Variants in NLRP9 observed in about 807,000 individuals in gnomAD.
The protein encoded by NLRP9 is NACHT, LRR and PYD domains-containing protein 9.
In NLRP9, 88 loss-of-function variants were observed where a neutral mutation model predicts 83.1. That is an observed-to-expected ratio of 1.06 (90% CI 0.89 to 1.26). The LOEUF (loss-of-function observed/expected upper bound fraction) is 1.26. Ranked by LOEUF, NLRP9 falls within the 50% of genes most tolerant of loss-of-function variation. The probability of loss-of-function intolerance (pLI) is 0.00; values close to 1 mark genes in which losing one functional copy is unlikely to be tolerated. For synonymous variants in NLRP9, 521 were observed against 447.6 expected (o/e 1.16, Z -2.07); for missense variants, 1,308 against 1,179.3 (o/e 1.11, Z -1.60).
rs1365547731 is a variant in NLRP9, at chr19:55,733,940, TGA to T, written c.281-392_281-391del. Among the ~76,000 whole-genome samples, 102 of 145,418 alleles carry T rather than the reference TGA, an allele frequency of 7.0e-4. 1 individual carries two copies. The highest frequency in any genetic ancestry group is 3.4e-3 in the Middle Eastern group (1 of 292). ...CCAAATTTTTTTTTTTTTTTTTTTT[TGA>T]GACGGAGTCTCGCTCTGTCGCCCAG... On this transcript the variant is annotated intron_variant, in intron 1 of 8. Transcript: ENST00000332836.
At position 55,712,480 on chromosome 19, in the gene NLRP9, G is replaced by A; in HGVS notation, c.2612C>T (p.Thr871Ile). 6.2e-7 allele frequency: 1 copy of A among 1,612,772 alleles called. No individual in the cohort carries two copies. The highest frequency in any genetic ancestry group is 8.5e-7 in the Non-Finnish European group (1 of 1,179,790). Reference protein sequence around the residue: ...LKLGHNEIGDTGVRQLCAALQ... With the variant: ...LKLGHNEIGDIGVRQLCAALQ... ...AGCTGCACATAACTGTCTGACACCA[G>A]TGTCTCCTATTTCATTATGCCCAAG... is the stretch of plus-strand genomic sequence containing the variant. The change falls in exon 7 of 9, where the codon ACT (threonine) becomes ATT (isoleucine). Residue 871 changes from threonine (T) to isoleucine (I), a missense_variant. By Grantham distance (89) the Thr-to-Ile change is moderately conservative (BLOSUM62 -1). Transcript: ENST00000332836.
In NLRP9 at chr19:55,716,725, T is replaced by C. The variant is rs1481677536; in HGVS notation, c.2330+3A>G. On this transcript the variant is annotated splice_donor_region_variant and intron_variant, in intron 5 of 8. Transcript: ENST00000332836. ...CGAACGTGCTTCCCGCAGACCAACT[T>C]ACATCAGCCTCTCCAGGGCACAGTG... 4.5e-5 allele frequency: 72 copies of C among 1,612,556 alleles called. No individual in the cohort carries two copies. The highest frequency in any genetic ancestry group is 6.0e-5 in the Non-Finnish European group (71 of 1,178,888).
intron 4 of NLRP9, among the ~76,000 whole-genome samples, chr19:55,718,636 TC>T (rs1435818805): frequency 2.0e-5 from 3 of 152,196 alleles, no homozygotes; most frequent in Non-Finnish European, 4.4e-5. Flanking sequence ...CTCACATGTT[TC>T]TCTGCTGACC....
At chr19:55,712,344 A>G (rs1383039800) in intron 7 of NLRP9, 76 bp downstream of exon 7, 18 of 1,286,842 alleles carry the variant, frequency 1.4e-5, no homozygotes, top group African/African-American at 1.5e-5. Flanking sequence ...CCTCCCTTCC[A>G]TTCTATTGAC....
intron 6 of NLRP9, among the ~76,000 whole-genome samples, chr19:55,713,296 TAGAC>T (rs1325964445): frequency 6.6e-6 from 1 of 151,568 alleles, no homozygotes; most frequent in Non-Finnish European, 1.5e-5. Flanking sequence ...CTAATACAGA[TAGAC>T]AGAAAAATGG....
intron 4 of NLRP9, 130 bp from the exon 5 acceptor site, chr19:55,717,028 T>A: frequency 1.7e-6 from 1 of 581,940 alleles, no homozygotes. Context: ...CTACAGACTC[T>A]TTTTCTTTTT....
chr19:55,727,264 A>C (rs961196182), intron 3 of NLRP9, among the ~76,000 whole-genome samples: 8 of 152,176 alleles, frequency 5.3e-5, no homozygotes, highest in African/African-American at 1.9e-4. Flanking sequence ...AGTTTTTTTA[A>C]ATAAAAGATC....
intron 2 of NLRP9, 21 bp downstream of exon 2, chr19:55,731,978 G>A: frequency 6.9e-7 from 1 of 1,453,446 alleles, no homozygotes; most frequent in Non-Finnish European, 9.4e-7. Flanking sequence ...TGTGGGACGG[G>A]GGATTAATAG....
At chr19:55,716,257 CTTTTTT>C (rs931275248) in intron 5 of NLRP9, among the ~76,000 whole-genome samples, 166 of 117,832 alleles carry the variant, frequency 1.4e-3, no homozygotes, top group African/African-American at 5.2e-3. Context: ...TAAAAATTTT[CTTTTTT>C]TTTTTTTTTT....
chr19:55,734,643 T>A (rs1440420277), intron 1 of NLRP9, among the ~76,000 whole-genome samples: 80 of 141,602 alleles, frequency 5.6e-4, no homozygotes, highest in South Asian at 2.8e-3. Context: ...ATATATTTTT[T>A]TTTTTTTTGA....
At chr19:55,711,381 G>A (rs1600122999) in intron 8 of NLRP9, 2 of 1,243,796 alleles carry the variant, frequency 1.6e-6, no homozygotes, top group Non-Finnish European at 2.1e-6. Context: ...GTTAACTGCT[G>A]CCATTTGGCG....
chr19:55,729,050 C>CTTTTTTTTTTTTTTTTTTTTTT (rs374589373), intron 3 of NLRP9, among the ~76,000 whole-genome samples: 4 of 70,202 alleles, frequency 5.7e-5, no homozygotes, highest in Admixed American at 2.1e-4. Context: ...TTTTCTTTTT[C>CTTTTTTTTTTTTTTTTTTTTTT]TTTTTTTTTT....
intron 3 of NLRP9, among the ~76,000 whole-genome samples, chr19:55,728,404 G>T (rs1047583770): frequency 6.6e-6 from 1 of 151,978 alleles, no homozygotes; most frequent in African/African-American, 2.4e-5. Flanking sequence ...ATGAAACCCC[G>T]TCTCTACTAA....
intron 8 of NLRP9, among the ~76,000 whole-genome samples, chr19:55,710,669 C>G (rs1987674667): frequency 6.6e-6 from 1 of 152,214 alleles, no homozygotes; most frequent in Non-Finnish European, 1.5e-5. Context: ...AAAGACGTGC[C>G]TATTTCTGCT....
rs1988842737 is a variant in NLRP9, at chr19:55,738,365, A to T, written c.10T>A (p.Ser4Thr). 1 of 1,612,920 alleles carries T rather than the reference A, an allele frequency of 6.2e-7. No homozygotes were observed. The highest frequency in any genetic ancestry group is 1.1e-5 in the South Asian group (1 of 91,030). The change falls in exon 1 of 9, where the codon TCT (serine) becomes ACT (threonine). Residue 4 changes from serine to threonine, a missense_variant. Coordinates refer to ENST00000332836, the MANE Select transcript of NLRP9 (RefSeq NM_176820.4). Reference sequence around the variant, plus strand: ...AACAAGCCAAAATCCGAAAAAAAAGATTCTGCCATATCGCCCCAGGATTGT... The same window carrying T: ...AACAAGCCAAAATCCGAAAAAAAAGTTTCTGCCATATCGCCCCAGGATTGT... MAE[S>T]FFSDFGLLWY... is the part of the protein sequence containing the mutation.
rs773941432 is a variant in NLRP9, at chr19:55,716,778, C to T, written c.2280G>A (p.Thr760=). ...AGTGCTTCAGGGCTTCACACAGCAA[C>T]GTCATTCCTTCGTCCCTCAAGGGAT... The part of the protein sequence containing the change: ...VENPLRDEGM[T]LLCEALKHSH... Residue 760 remains threonine, a synonymous_variant, in exon 5 of 9, where the codon ACG becomes ACA. Transcript: ENST00000332836. 1.9e-5 allele frequency: 31 copies of T among 1,613,914 alleles called. No individual in the cohort carries two copies. Among genetic ancestry groups the T allele is most frequent in the South Asian group, 4.4e-5 (4 of 91,086 alleles).
chr19:55,728,451 A>G (rs113539490), intron 3 of NLRP9, among the ~76,000 whole-genome samples: 3,274 of 152,236 alleles, frequency 0.022, 48 homozygotes, highest in Non-Finnish European at 0.032. Context: ...GCATGCCTGT[A>G]ATCCCAGTTA....
intron 6 of NLRP9, 136 bp downstream of exon 6, chr19:55,714,919 G>T: frequency 1.3e-6 from 1 of 751,598 alleles, no homozygotes; most frequent in South Asian, 1.9e-5. Context: ...CAGCCTGGGG[G>T]TGAGGACCCA....
chr19:55,734,225 C>A (rs1260443937), intron 1 of NLRP9, among the ~76,000 whole-genome samples: 1 of 151,322 alleles, frequency 6.6e-6, no homozygotes, highest in Non-Finnish European at 1.5e-5. Context: ...GCCCGGCTGT[C>A]AACCAGTACG....
Sources: allele counts gnomAD v4.1 joint callset (sites outside exome capture counted in the v4.1 genomes callset), GRCh38; gene constraint gnomAD v4.1.1; transcripts MANE v1.5; gene names NCBI Gene and HGNC (gene_info 2026-07-23, HGNC 2026-07-21).